PADI1: variants seen among roughly 807,000 people sequenced by gnomAD.
PADI1 encodes protein-arginine deiminase type-1.
Under a neutral mutation model 74.8 loss-of-function variants are expected in PADI1, and 65 were observed. That is an observed-to-expected ratio of 0.87 (90% CI 0.71 to 1.07). The LOEUF is 1.07. Among genes scored for constraint, PADI1 ranks in the 50% least tolerant of loss-of-function variants. PADI1 has a pLI of 0.00. For missense variants in PADI1, 943 were observed against 854.0 expected, an observed-to-expected ratio of 1.10 and a Z score of -1.30; for synonymous variants, 371 against 336.2, an observed-to-expected ratio of 1.10 and a Z score of -1.13.
At chr1:17,235,479 G>A (rs1023402830) in intron 11 of PADI1, among the ~76,000 whole-genome samples, 2 of 152,126 alleles carry the variant, frequency 1.3e-5, no homozygotes, top group Non-Finnish European at 2.9e-5. Context: ...GGGGCTCTGC[G>A]GGTCCAGCTG....
At chr1:17,215,223 G>A (rs1421204341) in intron 1 of PADI1, among the ~76,000 whole-genome samples, 1 of 152,158 alleles carries the variant, frequency 6.6e-6, no homozygotes, top group Non-Finnish European at 1.5e-5. Flanking sequence ...CTGAGACCAG[G>A]AGCCCAGCAC....
Position 17,228,986 on chromosome 1 carries a change from C to T in PADI1, c.864C>T (p.Gly288=). The part of the protein sequence containing the change: ...PEVTLFTDTV[G]FRMAPWIMTP... ...TGACCCTCTTCACAGACACTGTGGG[C>T]TTCCGCATGGCCCCCTGGATCATGA... is the stretch of plus-strand genomic sequence containing the variant. Residue 288 remains glycine (G), a synonymous_variant, in exon 8 of 16, where the codon GGC becomes GGT. Transcript: ENST00000375471. The T allele has an allele frequency of 6.3e-7, 1 of 1,598,700 alleles. No homozygotes were observed. Among genetic ancestry groups the T allele is most frequent in the Non-Finnish European group, 8.5e-7 (1 of 1,171,902 alleles).
Position 17,244,167 on chromosome 1 carries a change from T to C in PADI1, c.1916T>C (p.Leu639Pro), listed in dbSNP as rs1275231298. 1 of 1,614,232 alleles carries C rather than the reference T, an allele frequency of 6.2e-7. No individual in the cohort carries two copies. Among genetic ancestry groups the C allele is most frequent in the Non-Finnish European group, 8.5e-7 (1 of 1,180,036 alleles). ...GATGACTACTTGTCCTACCACGAGC[T>C]GCAGGGGGAGATCCACTGTGGCACC... ...FIDDYLSYHE[L>P]QGEIHCGTNV... is the part of the protein sequence containing the mutation. The change falls in exon 16 of 16, where the codon CTG becomes CCG. Residue 639 changes from leucine to proline, a missense_variant. Physicochemically the swap from Leu to Pro is moderately conservative, Grantham distance 98 (BLOSUM62 -3). Coordinates refer to ENST00000375471, the MANE Select transcript of PADI1 (RefSeq NM_013358.3).
chr1:17,240,404 C>T, intron 14 of PADI1: 1 of 431,426 alleles, frequency 2.3e-6, no homozygotes, highest in Non-Finnish European at 4.2e-6. Context: ...CATCCAGAAA[C>T]TGCCTGGGTT....
intron 13 of PADI1, among the ~76,000 whole-genome samples, chr1:17,239,017 G>A (rs1224667027): frequency 1.3e-5 from 2 of 152,216 alleles, no homozygotes; most frequent in Admixed American, 6.5e-5. Flanking sequence ...CTGAGGCTCA[G>A]AAAGGTGAAT....
At chr1:17,243,621 C>A (rs912249264) in intron 15 of PADI1, among the ~76,000 whole-genome samples, 2 of 152,228 alleles carry the variant, frequency 1.3e-5, no homozygotes, top group Non-Finnish European at 2.9e-5. Context: ...ACACCACAGA[C>A]CTTGTAGGTG....
intron 1 of PADI1, among the ~76,000 whole-genome samples, chr1:17,220,654 C>T (rs1325962141): frequency 1.3e-5 from 2 of 152,016 alleles, no homozygotes; most frequent in African/African-American, 2.4e-5. Flanking sequence ...GATGGCTCTG[C>T]CGTGGGGGAT....
At chr1:17,235,904 C>CA (rs1176269253) in intron 11 of PADI1, among the ~76,000 whole-genome samples, 1 of 152,164 alleles carries the variant, frequency 6.6e-6, no homozygotes. Flanking sequence ...GCAAGGACCC[C>CA]ACATGGGAAA....
intron 1 of PADI1, among the ~76,000 whole-genome samples, chr1:17,219,549 G>C (rs2072076751): frequency 6.6e-6 from 1 of 152,112 alleles, no homozygotes; most frequent in South Asian, 2.1e-4. Context: ...GAGGTCAAGG[G>C]ACTGAGGGAC....
chr1:17,219,561 A>G (rs2072076964), intron 1 of PADI1, among the ~76,000 whole-genome samples: 1 of 152,156 alleles, frequency 6.6e-6, no homozygotes, highest in South Asian at 2.1e-4. Flanking sequence ...CTGAGGGACC[A>G]GGGTGCAGCA....
chr1:17,235,228 AG>A (rs2072604457), intron 11 of PADI1, among the ~76,000 whole-genome samples: 26 of 99,548 alleles, frequency 2.6e-4, no homozygotes, highest in African/African-American at 9.0e-4. Flanking sequence ...GAAGGAAGGA[AG>A]GGAGGGAGGG....
chr1:17,219,206 G>A (rs902734045), intron 1 of PADI1, among the ~76,000 whole-genome samples: 2 of 152,070 alleles, frequency 1.3e-5, no homozygotes, highest in African/African-American at 4.8e-5. Flanking sequence ...ATGAGCAAAA[G>A]ATTAGGGAGT....
At chr1:17,215,784 C>T (rs1314203917) in intron 1 of PADI1, among the ~76,000 whole-genome samples, 2 of 152,196 alleles carry the variant, frequency 1.3e-5, no homozygotes, top group South Asian at 2.1e-4. Context: ...AAGCTGGATG[C>T]AGAGATGACA....
intron 4 of PADI1, 74 bp downstream of exon 4, chr1:17,224,502 C>A: frequency 1.8e-6 from 2 of 1,120,734 alleles, no homozygotes; most frequent in Non-Finnish European, 2.7e-6. Context: ...TGGATTGTGC[C>A]CTCCCTCCAG....
At chr1:17,228,138 G>A (rs906300714) in intron 6 of PADI1, among the ~76,000 whole-genome samples, 2 of 152,100 alleles carry the variant, frequency 1.3e-5, no homozygotes, top group Non-Finnish European at 2.9e-5. Context: ...CTACAGACAT[G>A]TGCCACCACG....
At chr1:17,231,841 C>T (rs1475620293) in intron 10 of PADI1, among the ~76,000 whole-genome samples, 6 of 151,980 alleles carry the variant, frequency 3.9e-5, no homozygotes, top group African/African-American at 1.5e-4. Flanking sequence ...GTGCTGCACC[C>T]ATTAACTCGG....
chr1:17,223,526 C>T, intron 2 of PADI1, 95 bp from the exon 3 acceptor site: 1 of 1,022,586 alleles, frequency 9.8e-7, no homozygotes. Context: ...CCTCCTGTGC[C>T]TCTAAGTAGG....
chr1:17,205,701 CCCCCATCTCTT>C (rs1473414604), intron 1 of PADI1, among the ~76,000 whole-genome samples: 1 of 152,128 alleles, frequency 6.6e-6, no homozygotes, highest in Non-Finnish European at 1.5e-5. Context: ...TCTTGCCAAG[CCCCCATCTCTT>C]TGAGGTGAAG....
rs976300046 is a variant in PADI1 at position 17,245,161 on chromosome 1, G to C, written c.*918G>C. 1 of 152,820 alleles carries C rather than the reference G, an allele frequency of 6.5e-6. No homozygotes were observed. The highest frequency in any genetic ancestry group is 2.4e-5 in the African/African-American group (1 of 41,454). The allele number at this position is 152,820 out of a possible 1,614,324, so 9.5% of individuals were successfully genotyped here. On this transcript the variant is annotated 3_prime_UTR_variant, in exon 16 of 16. Coordinates refer to ENST00000375471, the MANE Select transcript of PADI1 (RefSeq NM_013358.3). This position sits in a 1 kb window ranked among gnomAD's most constrained non-coding sequence, Gnocchi z 4.1. ...AGGGGTAGGGGGCCAGATGTTAGAAGAGGGTGTGTGTGTTGGGAGGAAATT... is the reference window on the plus strand; with the variant it reads ...AGGGGTAGGGGGCCAGATGTTAGAACAGGGTGTGTGTGTTGGGAGGAAATT...
Sources: allele counts gnomAD v4.1 joint callset (sites outside exome capture counted in the v4.1 genomes callset), GRCh38; gene constraint gnomAD v4.1.1; non-coding constraint Gnocchi (gnomAD v3.1); transcripts MANE v1.5; gene names NCBI Gene and HGNC (gene_info 2026-07-23, HGNC 2026-07-21).